Variants in NEB observed in about 807,000 individuals in gnomAD.
NEB encodes nebulin, also known as nemaline myopathy type 2.
NEB carries 512 observed loss-of-function variants against 952.2 expected under a neutral mutation model. The observed-to-expected ratio is 0.54, with a 90% CI of 0.50 to 0.58. The LOEUF (loss-of-function observed/expected upper bound fraction) is 0.58. Ranked by LOEUF, NEB falls within the 20% of genes least tolerant of loss-of-function variation. The probability of loss-of-function intolerance (pLI) is 0.00; values close to 1 mark genes in which losing one functional copy is unlikely to be tolerated. For synonymous variants in NEB, 2,900 were observed against 3,149.8 expected (o/e 0.92, Z 2.66); for missense variants, 8,428 against 9,231.1 (o/e 0.91, Z 3.56).
At chr2:151,619,866 G>A in intron 72 of NEB, 104 bp from the exon 73 acceptor site, 1 of 1,207,744 alleles carries the variant, frequency 8.3e-7, no homozygotes, top group South Asian at 1.6e-5. Context: ...CAACAGAGGA[G>A]TTTCACTGGT....
intron 5 of NEB, among the ~76,000 whole-genome samples, chr2:151,726,110 T>C (rs2099789782): frequency 1.3e-5 from 2 of 152,218 alleles, no homozygotes; most frequent in African/African-American, 4.8e-5. Flanking sequence ...TTTATCATTA[T>C]AAATGTTTTG....
rs1375411334 is a variant in NEB at position 151,568,388 on chromosome 2, G to A, written c.17664C>T (p.Thr5888=). 3.7e-6 allele frequency: 6 copies of A among 1,611,638 alleles called. No individual in the cohort carries two copies. The highest frequency in any genetic ancestry group is 4.2e-6 in the Non-Finnish European group (5 of 1,179,494). The change falls in exon 112 of 182, where the codon ACC becomes ACT. Residue 5888 remains threonine, a synonymous_variant. Coordinates refer to ENST00000397345, the MANE Select transcript of NEB (RefSeq NM_001164508.2). ...TTTCTGTGAGGGTGTACTTTGATTT[G>A]GTGGCATTCCAGTCTTTCCGGTATT... ...DIKYRKDWNA[T]KSKYTLTETP...
chr2:151,717,393 A>G (rs7572749), intron 10 of NEB, 23 bp downstream of exon 10: 1 of 1,511,566 alleles, frequency 6.6e-7, no homozygotes, highest in Non-Finnish European at 9.2e-7. Flanking sequence ...AAGGGAGGCA[A>G]TGTCCCAGCT....
chr2:151,643,189 T>C lies in NEB; in HGVS notation c.8121A>G (p.Pro2707=), dbSNP rs1574917544. The C allele has an allele frequency of 6.2e-7, 1 of 1,613,838 alleles. No homozygotes were observed. Among genetic ancestry groups the C allele is most frequent in the Middle Eastern group, 1.7e-4 (1 of 6,036 alleles). ...FKFSSLMDSI[P]MVLAKNNAIT... The stretch of plus-strand genomic sequence containing the variant: ...TAGCATTGTTTTTTGCCAAAACCAT[T>C]GGTATGGAATCCATAAGGCTGGAAA... Residue 2707 remains proline (P), a synonymous_variant, in exon 58 of 182, where the codon CCA becomes CCG. Coordinates refer to ENST00000397345, the MANE Select transcript of NEB (RefSeq NM_001164508.2).
chr2:151,498,972 G>A (rs890097591), intron 169 of NEB, among the ~76,000 whole-genome samples: 4 of 151,992 alleles, frequency 2.6e-5, no homozygotes, highest in Non-Finnish European at 4.4e-5. Context: ...GATAATAGTC[G>A]GATCTTTGCA....
intron 46 of NEB, among the ~76,000 whole-genome samples, chr2:151,661,475 T>A (rs1327777195): frequency 2.6e-5 from 4 of 152,198 alleles, no homozygotes; most frequent in African/African-American, 9.6e-5. Context: ...TTTTTCTCTG[T>A]TATCAAAGGC....
At chr2:151,615,246 T>G (rs1213127909) in intron 76 of NEB, among the ~76,000 whole-genome samples, 1 of 152,232 alleles carries the variant, frequency 6.6e-6, no homozygotes, top group East Asian at 1.9e-4. Flanking sequence ...CAAAATAAAC[T>G]TCTAAATTGA....
In NEB at chr2:151,540,467, A is replaced by G; in HGVS notation, c.20788-19T>C. 1 of 1,524,072 alleles carries G rather than the reference A, an allele frequency of 6.6e-7. No homozygotes were observed. 94.4% of individuals were successfully genotyped at this position (1,524,072 alleles called of 1,614,324 possible). On this transcript the variant is annotated intron_variant, in intron 137 of 181. Coordinates refer to ENST00000397345, the MANE Select transcript of NEB (RefSeq NM_001164508.2). ...ACTTTTTCTGAGAAATAAATGCAGA[A>G]GAGAGAGACAAGCTTAAGTGTCTTC...
At chr2:151,533,864 C>T (rs112409695) in intron 142 of NEB, among the ~76,000 whole-genome samples, 1,887 of 152,202 alleles carry the variant, frequency 0.012, 40 homozygotes, top group African/African-American at 0.043. Flanking sequence ...GTCTTCTTTC[C>T]TTCCATTAAT....
chr2:151,636,151 T>C, intron 64 of NEB, 76 bp downstream of exon 64: 1 of 1,267,012 alleles, frequency 7.9e-7, no homozygotes, highest in Non-Finnish European at 1.1e-6. Context: ...CCAGGAAAAG[T>C]TCTTTTCTAA....
intron 5 of NEB, among the ~76,000 whole-genome samples, chr2:151,727,269 C>G (rs1234977672): frequency 6.6e-6 from 1 of 152,132 alleles, no homozygotes; most frequent in Non-Finnish European, 1.5e-5. Context: ...TTCTTCTTCA[C>G]TATACACCTC....
intron 174 of NEB, 72 bp downstream of exon 174, chr2:151,494,087 CAG>C: frequency 7.9e-7 from 1 of 1,266,596 alleles, no homozygotes; most frequent in Non-Finnish European, 1.1e-6. Flanking sequence ...TAACCTGGGA[CAG>C]GGTTAGGAGC....
At chr2:151,556,174 T>TTA (rs2095638767) in intron 124 of NEB, among the ~76,000 whole-genome samples, 1 of 152,180 alleles carries the variant, frequency 6.6e-6, no homozygotes, top group Admixed American at 6.5e-5. Context: ...ATTAAATAAT[T>TTA]CCATAGACTG....
In NEB at chr2:151,620,347, G is replaced by GTATATATATATATA. The variant is rs71000481; in HGVS notation, c.10560+558_10560+571dup. ...TTATTATATATATATGTATGTGTGTGTATATATATATATATATATATATAT... is the reference window on the plus strand; with the variant it reads ...TTATTATATATATATGTATGTGTGTGTATATATATATATATATATATATATATATATATATATAT... On this transcript the variant is annotated intron_variant, in intron 72 of 181. Transcript: ENST00000397345. 3.5e-4 allele frequency among the ~76,000 whole-genome samples: 17 copies of GTATATATATATATA among 48,454 alleles called. 1 individual carries two copies. Among genetic ancestry groups the GTATATATATATATA allele is most frequent in the South Asian group, 8.8e-4 (1 of 1,134 alleles). The allele number at this position is 48,454 out of a possible 152,430, so 31.8% of individuals were successfully genotyped here.
chr2:151,515,482 G>A (rs2077220181), intron 157 of NEB, among the ~76,000 whole-genome samples: 1 of 152,028 alleles, frequency 6.6e-6, no homozygotes, highest in Admixed American at 6.6e-5. Context: ...TGAGTAGCTG[G>A]GACTACAGGT....
rs1277090759 is a variant in NEB at position 151,612,176 on chromosome 2, G to A, written c.11805+10C>T. 2 of 1,610,732 alleles carry A rather than the reference G, an allele frequency of 1.2e-6. No homozygotes were observed. The highest frequency in any genetic ancestry group is 3.3e-5 in the Admixed American group (2 of 59,968). ...ATGATTCTGGCAACAGAAAACAGCT[G>A]GAGACTCACCTTGCTCATTGTCAGG... On this transcript the variant is annotated intron_variant, in intron 78 of 181. Coordinates refer to ENST00000397345, the MANE Select transcript of NEB (RefSeq NM_001164508.2).
chr2:151,551,647 G>T, intron 129 of NEB, 91 bp downstream of exon 129: 1 of 927,850 alleles, frequency 1.1e-6, no homozygotes, highest in Non-Finnish European at 1.7e-6. Context: ...ATTTATACAA[G>T]GTCAGGTCAA....
chr2:151,685,855 C>T (rs568970805), intron 27 of NEB, among the ~76,000 whole-genome samples: 68 of 152,300 alleles, frequency 4.5e-4, no homozygotes, highest in Admixed American at 1.6e-3. Context: ...GACGGTGACC[C>T]AAGCTGGCAA....
chr2:151,506,781 A>C (rs2069354952), intron 163 of NEB, 128 bp downstream of exon 163: 1 of 657,762 alleles, frequency 1.5e-6, no homozygotes, highest in Admixed American at 3.1e-5. Flanking sequence ...GATTTTAGCA[A>C]ATCACTGCTA....
Sources: allele counts gnomAD v4.1 joint callset (sites outside exome capture counted in the v4.1 genomes callset), GRCh38; gene constraint gnomAD v4.1.1; transcripts MANE v1.5; gene names NCBI Gene and HGNC (gene_info 2026-07-23, HGNC 2026-07-21).